DACH1: variants seen among roughly 807,000 people sequenced by gnomAD.
DACH1 encodes dachshund homolog 1.
Under a neutral mutation model 54.2 loss-of-function variants are expected in DACH1, and 12 were observed. The ratio of observed to expected loss-of-function variants is 0.22; its 90% CI spans 0.14 to 0.36. The LOEUF is 0.36. Among genes scored for constraint, DACH1 ranks in the 10% least tolerant of loss-of-function variants. DACH1 has a pLI of 1.00. For missense variants in DACH1, 805 were observed against 929.8 expected (o/e 0.87, Z 1.75); for synonymous variants, 386 against 366.2 (o/e 1.05, Z -0.62).
intron 6 of DACH1, among the ~76,000 whole-genome samples, chr13:71,551,515 T>C (rs1233745697): frequency 6.6e-6 from 1 of 152,150 alleles, no homozygotes; most frequent in Non-Finnish European, 1.5e-5. Context: ...AGATACGCTT[T>C]TGTAGTTCCC....
chr13:71,568,159 C>T (rs1180080687), intron 4 of DACH1, among the ~76,000 whole-genome samples: 1 of 151,852 alleles, frequency 6.6e-6, no homozygotes, highest in Non-Finnish European at 1.5e-5. Context: ...TCTGAAGACC[C>T]TAAATCAATG....
chr13:71,593,262 A>C (rs544547913), intron 3 of DACH1, among the ~76,000 whole-genome samples: 3 of 152,270 alleles, frequency 2.0e-5, no homozygotes, highest in African/African-American at 7.2e-5. Context: ...TTGTCTTATA[A>C]TCTGGAGATA....
chr13:71,776,073 A>C (rs1886051712), intron 1 of DACH1, among the ~76,000 whole-genome samples: 1 of 152,174 alleles, frequency 6.6e-6, no homozygotes, highest in Non-Finnish European at 1.5e-5. Context: ...AAAAGGGCGC[A>C]AAACAAAGCC....
chr13:71,814,061 A>T (rs2138158921), intron 1 of DACH1, among the ~76,000 whole-genome samples: 1 of 152,348 alleles, frequency 6.6e-6, no homozygotes, highest in Admixed American at 6.5e-5. Flanking sequence ...GCCTGTCAAC[A>T]AATGTAGTGA....
intron 3 of DACH1, among the ~76,000 whole-genome samples, chr13:71,620,815 A>G (rs771925311): frequency 6.6e-6 from 1 of 152,020 alleles, no homozygotes; most frequent in Non-Finnish European, 1.5e-5. Flanking sequence ...TATGAAACAT[A>G]TATTTTCTCC....
At chr13:71,742,719 C>A (rs191147108) in intron 1 of DACH1, among the ~76,000 whole-genome samples, 1 of 152,130 alleles carries the variant, frequency 6.6e-6, no homozygotes, top group Admixed American at 6.5e-5. Context: ...TCATCTTATA[C>A]ATTTTTTTTT....
chr13:71,587,418 CA>C (rs1289812572), intron 3 of DACH1, among the ~76,000 whole-genome samples: 9 of 151,936 alleles, frequency 5.9e-5, no homozygotes, highest in South Asian at 4.2e-4. Flanking sequence ...TTTGTGTGAC[CA>C]AACAACAGAA....
chr13:71,820,221 C>A (rs1888132222), intron 1 of DACH1, among the ~76,000 whole-genome samples: 1 of 151,698 alleles, frequency 6.6e-6, no homozygotes, highest in Non-Finnish European at 1.5e-5. Context: ...GCATCTACTG[C>A]ACTGCCCGAG....
Position 71,582,143 on chromosome 13 carries a change from A to T in DACH1, c.1127-9131T>A, listed in dbSNP as rs564673891. 3.3e-5 allele frequency among the ~76,000 whole-genome samples: 5 copies of T among 152,312 alleles called. No individual in the cohort carries two copies. In the South Asian group the frequency reaches 1.0e-3, roughly 32 times the overall value. On this transcript the variant is annotated intron_variant, in intron 3 of 10. Coordinates refer to ENST00000613252, the MANE Select transcript of DACH1 (RefSeq NM_080759.6). ...ATAAACCATAGAATAAGTCTCAAATAAACCAAATTGCATAATGTTTTAATC... is the reference window on the plus strand; with the variant it reads ...ATAAACCATAGAATAAGTCTCAAATTAACCAAATTGCATAATGTTTTAATC...
intron 1 of DACH1, among the ~76,000 whole-genome samples, chr13:71,744,239 A>T (rs1332089096): frequency 6.6e-6 from 1 of 152,268 alleles, no homozygotes; most frequent in African/African-American, 2.4e-5. Context: ...TAATTCAGCA[A>T]TGAAGCAGAA....
intron 7 of DACH1, among the ~76,000 whole-genome samples, chr13:71,487,453 GA>G (rs1878631903): frequency 1.3e-5 from 2 of 151,272 alleles, no homozygotes; most frequent in African/African-American, 4.9e-5. Context: ...ATTATAGTTC[GA>G]GGTGATGTGG....
In DACH1 at chr13:71,730,209, T is replaced by A. The variant is rs563410600; in HGVS notation, c.849-48299A>T. ...AAAACTTAAAGTATAATAATAATTTTAAAAAAAGAGAAAAATAAAGAAAAA... is the reference window on the plus strand; with the variant it reads ...AAAACTTAAAGTATAATAATAATTTAAAAAAAAGAGAAAAATAAAGAAAAA... On this transcript the variant is annotated intron_variant, in intron 1 of 10. Coordinates refer to ENST00000613252, the MANE Select transcript of DACH1 (RefSeq NM_080759.6). Among the ~76,000 whole-genome samples the A allele has an allele frequency of 6.6e-5, 10 of 151,636 alleles. No homozygotes were observed. The South Asian group carries it at 1.0e-3, about 16-fold the overall frequency.
chr13:71,740,318 C>T (rs1465597284), intron 1 of DACH1, among the ~76,000 whole-genome samples: 2 of 148,222 alleles, frequency 1.3e-5, no homozygotes, highest in African/African-American at 4.9e-5. Context: ...TAAAACAAAA[C>T]AAAAAAAAAA....
chr13:71,550,123 T>A (rs964589802), intron 6 of DACH1, among the ~76,000 whole-genome samples: 1 of 152,182 alleles, frequency 6.6e-6, no homozygotes, highest in East Asian at 1.9e-4. Flanking sequence ...TGTGGTATTA[T>A]GAATTGTAAA....
At chr13:71,506,849 C>G (rs1880374252) in intron 6 of DACH1, among the ~76,000 whole-genome samples, 2 of 151,132 alleles carry the variant, frequency 1.3e-5, no homozygotes, top group African/African-American at 2.4e-5. Flanking sequence ...AACTGGCTAG[C>G]CATATGTAGA....
At chr13:71,585,490 C>T (rs986412206) in intron 3 of DACH1, among the ~76,000 whole-genome samples, 13 of 152,100 alleles carry the variant, frequency 8.5e-5, no homozygotes, top group African/African-American at 2.9e-4. Context: ...TGTTTGCAGG[C>T]CTTTTGGCCC....
intron 3 of DACH1, among the ~76,000 whole-genome samples, chr13:71,592,281 G>A (rs974805886): frequency 6.6e-6 from 1 of 151,974 alleles, no homozygotes; most frequent in East Asian, 1.9e-4. Flanking sequence ...GGAGGCCAAG[G>A]TGGGAGAATC....
At chr13:71,507,995 C>T (rs1880467129) in intron 6 of DACH1, among the ~76,000 whole-genome samples, 1 of 151,994 alleles carries the variant, frequency 6.6e-6, no homozygotes, top group Non-Finnish European at 1.5e-5. Flanking sequence ...GAAAATGAGC[C>T]TAGATTAAAA....
intron 4 of DACH1, among the ~76,000 whole-genome samples, chr13:71,562,493 CATGTATGCAT>C (rs1380140451): frequency 1.3e-5 from 2 of 152,066 alleles, no homozygotes; most frequent in Non-Finnish European, 2.9e-5. Context: ...ACGTTTATAA[CATGTATGCAT>C]TTGTTACACG....
Sources: gnomAD v4.1 joint callset for allele counts (sites outside exome capture counted in the v4.1 genomes callset) on GRCh38, gnomAD v4.1.1 for gene constraint, MANE v1.5 for transcripts, NCBI Gene and HGNC (gene_info 2026-07-23, HGNC 2026-07-21) for gene names.